The following CSNK1G1 variants were observed in gnomAD, a reference collection of about 807,000 sequenced individuals.
CSNK1G1 encodes the protein casein kinase I isoform gamma-1.
Under a neutral mutation model 59.6 loss-of-function variants are expected in CSNK1G1, and 22 were observed. That is an observed-to-expected ratio of 0.37 (90% confidence interval 0.26 to 0.53). The LOEUF (loss-of-function observed/expected upper bound fraction) is 0.53, where lower values mean the gene tolerates loss of function less well. Ranked by LOEUF, CSNK1G1 falls within the 20% of genes least tolerant of loss-of-function variation. The probability of loss-of-function intolerance (pLI) is 0.89; values close to 1 mark genes in which losing one functional copy is unlikely to be tolerated. For synonymous variants in CSNK1G1, 179 were observed against 177.1 expected (o/e 1.01, Z -0.08); for missense variants, 384 against 519.5 (o/e 0.74, Z 2.54).
intron 2 of CSNK1G1, chr15:64,265,944 TGTAGGG>T: frequency 4.8e-6 from 2 of 417,048 alleles, no homozygotes; most frequent in Non-Finnish European, 9.6e-6. Context: ...ATTAGCCAGG[TGTAGGG>T]GTAAGTGCCT....
intron 4 of CSNK1G1, among the ~76,000 whole-genome samples, chr15:64,238,655 C>T (rs2082652987): frequency 6.6e-6 from 1 of 150,738 alleles, no homozygotes; most frequent in Non-Finnish European, 1.5e-5. Flanking sequence ...ACATAAAGTG[C>T]CTATTAGACT....
chr15:64,171,558 G>A lies in CSNK1G1; in HGVS notation c.*373C>T, dbSNP rs2081664939. 2 of 222,008 alleles carry A rather than the reference G, an allele frequency of 9.0e-6. No individual in the cohort carries two copies. The highest frequency in any genetic ancestry group is 1.6e-4 in the South Asian group (2 of 12,134). The allele number at this position is 222,008 out of a possible 1,614,324, so 13.8% of individuals were successfully genotyped here. A position where few individuals can be genotyped will look rare whatever the true frequency, so the allele number is the denominator to read the frequency against. On this transcript the variant is annotated 3_prime_UTR_variant, in exon 12 of 12. Coordinates refer to ENST00000303052, the MANE Select transcript of CSNK1G1 (RefSeq NM_022048.5). This position sits in a 1 kb window ranked among gnomAD's most constrained non-coding sequence, Gnocchi z 4.8. ...TTAGCTCACTAGGTTTTATGCTGGA[G>A]AGGGTTGAGGGTGGGGTAAAAACCA... is the stretch of plus-strand genomic sequence containing the variant.
At chr15:64,279,651 G>T (rs948145074) in intron 2 of CSNK1G1, among the ~76,000 whole-genome samples, 1 of 152,060 alleles carries the variant, frequency 6.6e-6, no homozygotes, top group Non-Finnish European at 1.5e-5. Context: ...ACCCAGAGTG[G>T]AATTTCTGGA....
intron 10 of CSNK1G1, among the ~76,000 whole-genome samples, chr15:64,191,732 T>A (rs1294011465): frequency 6.6e-6 from 1 of 152,184 alleles, no homozygotes; most frequent in Non-Finnish European, 1.5e-5. Flanking sequence ...CATAAATGCT[T>A]CCACTATGAT....
At chr15:64,350,737 A>G (rs941084919) in intron 1 of CSNK1G1, among the ~76,000 whole-genome samples, 33 of 152,340 alleles carry the variant, frequency 2.2e-4, no homozygotes, top group African/African-American at 7.9e-4. Context: ...ACTCAAAGCC[A>G]TAAAACATAA....
intron 1 of CSNK1G1, among the ~76,000 whole-genome samples, chr15:64,352,447 C>CTTTTTTTTTTTTTTTTTTTTTTTTTTT (rs1165768581): frequency 1.7e-4 from 15 of 89,410 alleles, no homozygotes; most frequent in African/African-American, 3.1e-4. Context: ...TTGAATTCTT[C>CTTTTTTTTTTTTTTTTTTTTTTTTTTT]TTTTTTTTTT....
At chr15:64,190,540 A>T (rs1390533257) in intron 10 of CSNK1G1, among the ~76,000 whole-genome samples, 2 of 151,938 alleles carry the variant, frequency 1.3e-5, no homozygotes, top group Admixed American at 1.3e-4. Flanking sequence ...TCAGCCTCCC[A>T]AGTAGCTGGG....
At chr15:64,272,550 C>G (rs1566928409) in intron 2 of CSNK1G1, among the ~76,000 whole-genome samples, 1 of 152,056 alleles carries the variant, frequency 6.6e-6, no homozygotes, top group African/African-American at 2.4e-5. Context: ...GGTATTTAGC[C>G]TGTTTACATT....
intron 4 of CSNK1G1, among the ~76,000 whole-genome samples, chr15:64,233,757 G>T (rs771237795): frequency 6.6e-6 from 1 of 152,004 alleles, no homozygotes; most frequent in Non-Finnish European, 1.5e-5. Context: ...TTTCACCCTT[G>T]GAAGAAGAGA....
intron 1 of CSNK1G1, among the ~76,000 whole-genome samples, chr15:64,351,224 C>T (rs986235444): frequency 1.3e-5 from 2 of 152,060 alleles, no homozygotes; most frequent in Non-Finnish European, 2.9e-5. Flanking sequence ...AAGAAAGCAC[C>T]GCCTGGACTT....
At chr15:64,256,047 A>T (rs1892357176) in intron 3 of CSNK1G1, among the ~76,000 whole-genome samples, 1 of 152,128 alleles carries the variant, frequency 6.6e-6, no homozygotes, top group South Asian at 2.1e-4. Flanking sequence ...GTATCATATC[A>T]CTCTTATGTC....
chr15:64,173,311 A>C (rs1158202500), intron 11 of CSNK1G1, among the ~76,000 whole-genome samples: 2 of 152,202 alleles, frequency 1.3e-5, no homozygotes, highest in Non-Finnish European at 2.9e-5. Flanking sequence ...GAATGCAGAA[A>C]CATTTACACA....
intron 2 of CSNK1G1, among the ~76,000 whole-genome samples, chr15:64,292,327 G>A (rs1393475049): frequency 1.3e-5 from 2 of 152,068 alleles, no homozygotes; most frequent in African/African-American, 4.8e-5. Context: ...ACAGAAATAA[G>A]TGTCTTACTT....
chr15:64,168,351 A>T lies in CSNK1G1; in HGVS notation c.*3580T>A, dbSNP rs987926861. The T allele has an allele frequency of 5.6e-4, 85 of 152,574 alleles. 1 individual carries two copies. The highest frequency in any genetic ancestry group is 2.9e-5 in the Non-Finnish European group (2 of 68,050). The allele number at this position is 152,574 out of a possible 1,614,324, so 9.5% of individuals were successfully genotyped here. On this transcript the variant is annotated 3_prime_UTR_variant, in exon 12 of 12. Coordinates refer to ENST00000303052, the MANE Select transcript of CSNK1G1 (RefSeq NM_022048.5). ...CCACCCTTGGGGGCAGTCTGGAGTG[A>T]GATCTCTGGAAAGCACCAAGGTGCG... is the stretch of plus-strand genomic sequence containing the variant.
At chr15:64,206,173 G>T (rs1035865528) in intron 7 of CSNK1G1, among the ~76,000 whole-genome samples, 1 of 152,158 alleles carries the variant, frequency 6.6e-6, no homozygotes, top group African/African-American at 2.4e-5. Context: ...TGGGTGCAGT[G>T]GCTCACGCCT....
At chr15:64,239,832 A>T (rs149312426) in intron 4 of CSNK1G1, among the ~76,000 whole-genome samples, 8 of 152,360 alleles carry the variant, frequency 5.3e-5, no homozygotes, top group Admixed American at 1.3e-4. Flanking sequence ...CAGATGAAGA[A>T]TTCAATGAAT....
At chr15:64,268,402 A>G (rs180857183) in intron 2 of CSNK1G1, among the ~76,000 whole-genome samples, 39 of 152,364 alleles carry the variant, frequency 2.6e-4, no homozygotes, top group African/African-American at 9.1e-4. Context: ...CTAGTGTTCT[A>G]TTAAGTAGTA....
intron 1 of CSNK1G1, among the ~76,000 whole-genome samples, chr15:64,355,598 G>A (rs1898611162): frequency 6.6e-6 from 1 of 152,314 alleles, no homozygotes; most frequent in African/African-American, 2.4e-5. Flanking sequence ...GGTGGGTAGG[G>A]AAAGAGGGCA....
chr15:64,239,878 G>A (rs575868612), intron 4 of CSNK1G1, among the ~76,000 whole-genome samples: 6 of 152,278 alleles, frequency 3.9e-5, no homozygotes, highest in East Asian at 3.9e-4. Flanking sequence ...AACAGCAGAC[G>A]TAAGCAGAAG....
Sources: gnomAD v4.1 joint callset for allele counts (sites outside exome capture counted in the v4.1 genomes callset) on GRCh38, gnomAD v4.1.1 for gene constraint, Gnocchi (gnomAD v3.1) non-coding constraint, MANE v1.5 for transcripts, NCBI Gene and HGNC (gene_info 2026-07-23, HGNC 2026-07-21) for gene names.